PAM16: variants seen among roughly 807,000 people sequenced by gnomAD.
PAM16 encodes presequence translocase associated motor 16.
In PAM16, 11 loss-of-function variants were observed where a neutral mutation model predicts 17.9. The ratio of observed to expected loss-of-function variants is 0.62; its 90% CI spans 0.39 to 1.02. The LOEUF is 1.02. Among genes scored for constraint, PAM16 ranks in the 50% least tolerant of loss-of-function variants. PAM16 has a pLI of 0.01. For missense variants in PAM16, 199 were observed against 165.4 expected, an observed-to-expected ratio of 1.20 and a Z score of -1.11; for synonymous variants, 72 against 67.4, an observed-to-expected ratio of 1.07 and a Z score of -0.34.
chr16:4,348,436 A>C (rs758673836), intron 1 of PAM16: 1 of 152,162 alleles, frequency 6.6e-6, no homozygotes, highest in Non-Finnish European at 1.5e-5. Context: ...CAACTTCTCA[A>C]CCTCACCTCT....
intron 2 of PAM16, among the ~76,000 whole-genome samples, chr16:4,342,352 C>T (rs998419247): frequency 6.1e-5 from 8 of 130,406 alleles, no homozygotes; most frequent in African/African-American, 2.3e-4. Context: ...AGTGAGACTC[C>T]GTCTCAAAAG....
rs985822941 is a variant in PAM16 at position 4,351,315 on chromosome 16, G to A, written c.-81C>T. The A allele has an allele frequency of 8.5e-7, 1 of 1,171,240 alleles. No individual in the cohort carries two copies. Among genetic ancestry groups the A allele is most frequent in the South Asian group, 2.0e-5 (1 of 48,970 alleles). 72.6% of individuals were successfully genotyped at this position (1,171,240 alleles called of 1,614,324 possible). ...GATCAAGCGTGGTCGGCGGGTCAGA[G>A]GTCAAGGAAAGCCGCAGAGAGCGCG... is the stretch of plus-strand genomic sequence containing the variant. On this transcript the variant is annotated 5_prime_UTR_variant, in exon 1 of 5. Transcript: ENST00000318059.
intron 1 of PAM16, 170 bp from the exon 2 acceptor site, chr16:4,343,461 G>A (rs1389698657): frequency 7.0e-7 from 1 of 1,431,066 alleles, no homozygotes; most frequent in Non-Finnish European, 9.1e-7. Context: ...AAGCTTCCAT[G>A]GTGGGTGGCT....
chr16:4,348,519 T>C (rs2053793104), intron 1 of PAM16: 1 of 149,228 alleles, frequency 6.7e-6, no homozygotes, highest in African/African-American at 2.5e-5. Context: ...GCCTTTGCTG[T>C]TCTGAGTTCC....
At chr16:4,342,307 A>G (rs893783888) in intron 2 of PAM16, among the ~76,000 whole-genome samples, 1 of 151,648 alleles carries the variant, frequency 6.6e-6, no homozygotes, top group East Asian at 1.9e-4. Flanking sequence ...GCAGTGAGCC[A>G]AGATCGCACC....
chr16:4,343,078 C>G lies in PAM16; in HGVS notation c.88+129G>C. 4.8e-6 allele frequency: 6 copies of G among 1,240,260 alleles called. No individual in the cohort carries two copies. In the Admixed American group the frequency reaches 1.3e-4, roughly 26 times the overall value. 76.8% of individuals were successfully genotyped at this position (1,240,260 alleles called of 1,614,324 possible). On this transcript the variant is annotated intron_variant, in intron 2 of 4. Transcript: ENST00000318059. ...AAGAATGCCCCGGTCTGGCATCACC[C>G]CCCACCATGGGAAGTGCCTCAGGCC...
intron 3 of PAM16, 46 bp downstream of exon 3, chr16:4,341,322 T>C (rs1016483926): frequency 1.3e-6 from 2 of 1,541,634 alleles, no homozygotes; most frequent in Non-Finnish European, 1.8e-6. Context: ...CTTCCCACCC[T>C]GGCAGCCTCT....
intron 1 of PAM16, chr16:4,343,962 T>C (rs1010298655): frequency 1.5e-5 from 6 of 398,244 alleles, no homozygotes; most frequent in African/African-American, 1.2e-4. Flanking sequence ...GAGAGTCTAC[T>C]CTGCTCAGCA....
In PAM16 at chr16:4,351,300, G is replaced by T. The variant is rs766871066; in HGVS notation, c.-66C>A. ...GGCCCCGCGGCCGGGGATCAAGCGT[G>T]GTCGGCGGGTCAGAGGTCAAGGAAA... is the stretch of plus-strand genomic sequence containing the variant. On this transcript the variant is annotated 5_prime_UTR_variant, in exon 1 of 5. Transcript: ENST00000318059. The T allele has an allele frequency of 7.6e-7, 1 of 1,318,298 alleles. No individual in the cohort carries two copies. Among genetic ancestry groups the T allele is most frequent in the Non-Finnish European group, 1.0e-6 (1 of 994,422 alleles). 81.7% of individuals were successfully genotyped at this position (1,318,298 alleles called of 1,614,324 possible).
intron 1 of PAM16, among the ~76,000 whole-genome samples, chr16:4,350,380 G>T (rs1204575723): frequency 6.7e-6 from 1 of 149,708 alleles, no homozygotes. Flanking sequence ...ATACATAAAT[G>T]TATACGGTAT....
At chr16:4,343,839 G>A (rs2053689671) in intron 1 of PAM16, 3 of 399,830 alleles carry the variant, frequency 7.5e-6, no homozygotes, top group Non-Finnish European at 1.3e-5. Context: ...TCTTCAAGGA[G>A]CTAAAAGCCC....
chr16:4,344,403 G>A (rs1596251207), intron 1 of PAM16, among the ~76,000 whole-genome samples: 1 of 71,722 alleles, frequency 1.4e-5, no homozygotes, highest in African/African-American at 5.3e-5. Flanking sequence ...AGAGGAGGGG[G>A]TTCTGTGAGA....
intron 2 of PAM16, among the ~76,000 whole-genome samples, chr16:4,342,632 C>T (rs1038249948): frequency 6.6e-6 from 1 of 151,440 alleles, no homozygotes; most frequent in Non-Finnish European, 1.5e-5. Context: ...CCAGCCTGGG[C>T]AACAAGAGCG....
At chr16:4,341,241 A>T in intron 3 of PAM16, 127 bp downstream of exon 3, 1 of 1,443,550 alleles carries the variant, frequency 6.9e-7, no homozygotes, top group Non-Finnish European at 9.3e-7. Context: ...GTGGCTCCCG[A>T]AAGTTGGAGT....
chr16:4,347,138 G>C (rs982373929), intron 1 of PAM16: 2 of 152,188 alleles, frequency 1.3e-5, no homozygotes, highest in African/African-American at 4.8e-5. Flanking sequence ...AGCCTCCCGA[G>C]TAGCTGGAGC....
intron 1 of PAM16, 32 bp downstream of exon 1, chr16:4,351,200 C>T: frequency 3.0e-6 from 4 of 1,347,686 alleles, no homozygotes; most frequent in Non-Finnish European, 3.9e-6. Context: ...ACTCGGCTTC[C>T]CCTCCCCGGT....
Position 4,341,354 on chromosome 16 carries a change from C to G in PAM16, c.225+14G>C. 1 of 1,563,178 alleles carries G rather than the reference C, an allele frequency of 6.4e-7. No individual in the cohort carries two copies. The highest frequency in any genetic ancestry group is 2.4e-5 in the East Asian group (1 of 42,262). ...CTCTCCCTCTCAAACTTTGGGGTGG[C>G]CCAGTGGCCTCACCTTCTGGACCTC... On this transcript the variant is annotated intron_variant, in intron 3 of 4. Transcript: ENST00000318059.
intron 2 of PAM16, 44 bp downstream of exon 2, chr16:4,343,163 G>A: frequency 6.2e-7 from 1 of 1,611,732 alleles, no homozygotes. Context: ...AATCTGACCT[G>A]GAGAGGAACT....
chr16:4,343,622 A>T, intron 1 of PAM16: 2 of 1,319,328 alleles, frequency 1.5e-6, no homozygotes, highest in Non-Finnish European at 2.0e-6. Context: ...GTGGTCTGGG[A>T]GCCAGAACAC....
Sources: allele counts gnomAD v4.1 joint callset (sites outside exome capture counted in the v4.1 genomes callset), GRCh38; gene constraint gnomAD v4.1.1; transcripts MANE v1.5; gene names NCBI Gene and HGNC (gene_info 2026-07-23, HGNC 2026-07-21).